AKAP14: variants seen among roughly 807,000 people sequenced by gnomAD.
AKAP14 encodes the protein A-kinase anchoring protein 14, also known as A-kinase anchor protein 14.
AKAP14 carries 4 observed loss-of-function variants against 17.0 expected under a neutral mutation model. That is an observed-to-expected ratio of 0.23 (90% CI 0.12 to 0.54). The LOEUF is 0.54. Ranked by LOEUF, AKAP14 falls within the 20% of genes least tolerant of loss-of-function variation. The probability of loss-of-function intolerance (pLI) is 0.95; values close to 1 mark genes in which losing one functional copy is unlikely to be tolerated. For synonymous variants in AKAP14, 42 were observed against 51.3 expected (o/e 0.82, Z 0.77); for missense variants, 129 against 150.9 (o/e 0.85, Z 0.76).
At chrX:119,916,456 CTATCTATCT>C (rs1302854672) in intron 5 of AKAP14, among the ~76,000 whole-genome samples, 1 of 107,445 alleles carries the variant, frequency 9.3e-6, no homozygotes, top group African/African-American at 3.4e-5. Context: ...ATCTATCTAT[CTATCTATCT>C]ATCTATCTAT....
chrX:119,901,598 C>T (rs940162755), intron 2 of AKAP14, among the ~76,000 whole-genome samples: 21 of 109,212 alleles, frequency 1.9e-4, no homozygotes, highest in African/African-American at 6.0e-4. Flanking sequence ...CCCAGCTACT[C>T]GGGAGGCTGA....
intron 4 of AKAP14, 131 bp downstream of exon 4, chrX:119,903,717 A>C: frequency 9.2e-7 from 1 of 1,091,318 alleles, no homozygotes; most frequent in African/African-American, 1.8e-5. Flanking sequence ...AGAATAAGTA[A>C]ACATCATCTC....
chrX:119,897,493 T>C (rs2056538034), intron 2 of AKAP14, among the ~76,000 whole-genome samples: 2 of 112,283 alleles, frequency 1.8e-5, no homozygotes, highest in Admixed American at 1.9e-4. Flanking sequence ...CAAGTTGATA[T>C]ATGGCTACCT....
rs751405387 is a variant in AKAP14 at position 119,920,521 on chromosome X, C to T, written c.508C>T (p.Arg170Cys). 6 of 1,205,303 alleles carry T rather than the reference C, an allele frequency of 5.0e-6. No homozygotes were observed. The highest frequency in any genetic ancestry group is 5.9e-5 in the East Asian group (2 of 33,675). The change falls in exon 7 of 7, where the codon CGC (arginine) becomes TGC (cysteine). Residue 170 changes from arginine to cysteine, a missense_variant. Coordinates refer to ENST00000371431, the MANE Select transcript of AKAP14 (RefSeq NM_178813.6). ...QALVHRPGMV[R>C]FRENWQKNLT... ...CTTCCTTTGTAGACCAGGAATGGTT[C>T]GCTTTCGAGAAAACTGGCAGAAGAA... is the stretch of plus-strand genomic sequence containing the variant.
intron 2 of AKAP14, among the ~76,000 whole-genome samples, chrX:119,899,461 C>T (rs1169553980): frequency 9.0e-6 from 1 of 111,422 alleles, no homozygotes; most frequent in Non-Finnish European, 1.9e-5. Flanking sequence ...GAGGAAGGTG[C>T]AGCTCCCCGG....
chrX:119,899,853 T>C (rs2056554202), intron 2 of AKAP14, among the ~76,000 whole-genome samples: 1 of 112,192 alleles, frequency 8.9e-6, no homozygotes, highest in African/African-American at 3.2e-5. Flanking sequence ...CTGTTATTTA[T>C]AGAAAAATAG....
intron 4 of AKAP14, among the ~76,000 whole-genome samples, chrX:119,913,152 A>AAATAAAT (rs773489785): frequency 1.5e-5 from 1 of 66,218 alleles, no homozygotes; most frequent in East Asian, 4.0e-4. Flanking sequence ...ATAAATAAAT[A>AAATAAAT]AAATAAAATA....
chrX:119,900,096 CTT>C (rs760651370), intron 2 of AKAP14, among the ~76,000 whole-genome samples: 3 of 101,337 alleles, frequency 3.0e-5, no homozygotes, highest in Admixed American at 1.1e-4. Context: ...GCCAGTCCAA[CTT>C]TTTTTTTTTT....
chrX:119,897,413 C>A (rs891799965), intron 2 of AKAP14, among the ~76,000 whole-genome samples: 52 of 111,092 alleles, frequency 4.7e-4, no homozygotes, highest in Non-Finnish European at 8.1e-4. Context: ...CCCGCCTTGG[C>A]CTCCCAAAGT....
In AKAP14 at chrX:119,914,731, C is replaced by T. The variant is rs1362499527; in HGVS notation, c.294C>T (p.Gly98=). ...KCVSKKCWAH[G]VEFVERKDLI... is the part of the protein sequence containing the mutation. The stretch of plus-strand genomic sequence containing the variant: ...TTTCTAAAAAATGCTGGGCACATGG[C>T]GTAGAGTTTGTAGAGAGGAAAGACT... Residue 98 remains glycine, a synonymous_variant, in exon 5 of 7, where the codon GGC becomes GGT. Transcript: ENST00000371431. The T allele has an allele frequency of 1.1e-5, 13 of 1,208,537 alleles. No homozygotes were observed. The highest frequency in any genetic ancestry group is 3.0e-5 in the East Asian group (1 of 33,794).
intron 4 of AKAP14, among the ~76,000 whole-genome samples, chrX:119,910,980 A>C (rs148820516): frequency 9.3e-6 from 1 of 107,815 alleles, no homozygotes; most frequent in African/African-American, 3.4e-5. Context: ...CTAATTTTAA[A>C]AGAAATGAAC....
intron 4 of AKAP14, among the ~76,000 whole-genome samples, chrX:119,909,653 A>T (rs921051237): frequency 6.4e-5 from 7 of 110,040 alleles, no homozygotes; most frequent in Non-Finnish European, 1.1e-4. Context: ...CTATAATCCC[A>T]GCACTTTGGG....
At chrX:119,897,823 A>G (rs2056539909) in intron 2 of AKAP14, among the ~76,000 whole-genome samples, 1 of 111,549 alleles carries the variant, frequency 9.0e-6, no homozygotes, top group Non-Finnish European at 1.9e-5. Context: ...CAACATACTG[A>G]GACCTATAAA....
At chrX:119,918,093 C>G (rs1489641312) in intron 5 of AKAP14, among the ~76,000 whole-genome samples, 2 of 112,465 alleles carry the variant, frequency 1.8e-5, no homozygotes, top group Non-Finnish European at 3.8e-5. Flanking sequence ...GGCCTTTGCA[C>G]TTGCTTTTTC....
chrX:119,912,225 T>A (rs1339677794), intron 4 of AKAP14, among the ~76,000 whole-genome samples: 4 of 109,466 alleles, frequency 3.7e-5, no homozygotes, highest in Non-Finnish European at 7.7e-5. Flanking sequence ...GCCACTAAGC[T>A]TGCGCCCGGC....
intron 4 of AKAP14, among the ~76,000 whole-genome samples, chrX:119,908,943 G>T (rs2056612760): frequency 9.0e-6 from 1 of 111,576 alleles, no homozygotes; most frequent in African/African-American, 3.2e-5. Flanking sequence ...GAAACTCTTA[G>T]AACTGAGGCT....
Position 119,903,317 on chromosome X carries a change from T to G in AKAP14, c.94T>G (p.Tyr32Asp). 1 of 1,211,791 alleles carries G rather than the reference T, an allele frequency of 8.3e-7. No homozygotes were observed. The highest frequency in any genetic ancestry group is 1.1e-6 in the Non-Finnish European group (1 of 895,555). The change falls in exon 3 of 7, where the codon TAC becomes GAC. Residue 32 changes from tyrosine (Y) to aspartate (D), a missense_variant. Tyr to Asp is a radical substitution (Grantham distance 160, BLOSUM62 -3). Transcript: ENST00000371431. ...AATGCCGAATACACAAGACAAGAAC[T>G]ACGAGGATGAATTGACTCAAGTAGC... ...QTMPNTQDKN[Y>D]EDELTQVALA...
chrX:119,907,711 G>A (rs769566989), intron 4 of AKAP14, among the ~76,000 whole-genome samples: 2 of 110,464 alleles, frequency 1.8e-5, no homozygotes, highest in African/African-American at 3.3e-5. Context: ...CTCCTGCCTC[G>A]GCCTCCTAAA....
intron 5 of AKAP14, among the ~76,000 whole-genome samples, chrX:119,919,100 T>G (rs1251287426): frequency 8.9e-6 from 1 of 111,833 alleles, no homozygotes; most frequent in Admixed American, 9.6e-5. Context: ...GGAACAAGAC[T>G]ACACCAGAGA....
Sources: gnomAD v4.1 joint callset for allele counts (sites outside exome capture counted in the v4.1 genomes callset) on GRCh38, gnomAD v4.1.1 for gene constraint, MANE v1.5 for transcripts, NCBI Gene and HGNC (gene_info 2026-07-23, HGNC 2026-07-21) for gene names.